KATNB1: variants seen among roughly 807,000 people sequenced by gnomAD.
The protein encoded by KATNB1 is katanin regulatory subunit B1.
A neutral mutation model predicts 82.3 loss-of-function variants in KATNB1; 38 were observed. The observed-to-expected ratio is 0.46, with a 90% confidence interval of 0.36 to 0.61. The LOEUF (loss-of-function observed/expected upper bound fraction) is 0.61. Among genes scored for constraint, KATNB1 ranks in the 20% least tolerant of loss-of-function variants. The probability of loss-of-function intolerance (pLI) is 0.00; values close to 1 mark genes in which losing one functional copy is unlikely to be tolerated. For synonymous variants in KATNB1, 361 were observed against 368.7 expected, an observed-to-expected ratio of 0.98 and a Z score of 0.24; for missense variants, 749 against 915.7, an observed-to-expected ratio of 0.82 and a Z score of 2.35.
At chr16:57,746,737 G>A (rs941680468) in intron 4 of KATNB1, among the ~76,000 whole-genome samples, 4 of 151,974 alleles carry the variant, frequency 2.6e-5, no homozygotes, top group African/African-American at 7.2e-5. Flanking sequence ...CCAGCTCTAC[G>A]GATTTTTCAA....
chr16:57,741,850 A>G (rs782417186), intron 3 of KATNB1, 33 bp downstream of exon 3: 1 of 1,603,416 alleles, frequency 6.2e-7, no homozygotes, highest in Admixed American at 1.7e-5. Context: ...GGGTCAGGAC[A>G]AGGGCCTGGG....
chr16:57,752,923 C>T lies in KATNB1; in HGVS notation c.850C>T (p.Gln284Ter). Residue 284 changes from glutamine (Q) to a stop codon, truncating the protein, a stop_gained, in exon 10 of 20, where the codon CAG becomes TAG. Transcript: ENST00000379661. LOFTEE classifies it high-confidence loss of function. ...GGCCGACCTGGCCATCTGCAATGAC[C>T]AGTTGGTGAGAGAGCCATGGCACCC... Reference protein sequence around the residue: ...KVADLAICNDQLIGVAFSQSN... With the variant: ...KVADLAICND 1 of 1,603,442 alleles carries T rather than the reference C, an allele frequency of 6.2e-7. No individual in the cohort carries two copies. The highest frequency in any genetic ancestry group is 8.5e-7 in the Non-Finnish European group (1 of 1,179,674).
Position 57,754,009 on chromosome 16 carries a change from G to C in KATNB1, c.1228+14G>C, listed in dbSNP as rs782738430. 1.2e-6 allele frequency: 2 copies of C among 1,612,488 alleles called. No homozygotes were observed. Among genetic ancestry groups the C allele is most frequent in the East Asian group, 2.2e-5 (1 of 44,824 alleles). On this transcript the variant is annotated intron_variant, in intron 13 of 19. Coordinates refer to ENST00000379661, the MANE Select transcript of KATNB1 (RefSeq NM_005886.3). The stretch of plus-strand genomic sequence containing the variant: ...CCCCAGAGGACGGTGAGTTGGGTGA[G>C]CCTGGTTTCCCAAGGTCTCTGATGC...
At position 57,742,248 on chromosome 16, in the gene KATNB1, A is replaced by G. The variant is rs1377363277; in HGVS notation, c.171+431A>G. On this transcript the variant is annotated intron_variant, in intron 3 of 19. Coordinates refer to ENST00000379661, the MANE Select transcript of KATNB1 (RefSeq NM_005886.3). Reference sequence around the variant, plus strand: ...ATTCATTCCCAGCCTTCATTCCCCAATGAGGATTTGAGGGGACCTGGCTGG... The same window carrying G: ...ATTCATTCCCAGCCTTCATTCCCCAGTGAGGATTTGAGGGGACCTGGCTGG... Among the ~76,000 whole-genome samples, 6 of 152,324 alleles carry G rather than the reference A, an allele frequency of 3.9e-5. No homozygotes were observed. The South Asian group carries it at 8.3e-4, about 21-fold the overall frequency.
intron 4 of KATNB1, among the ~76,000 whole-genome samples, chr16:57,744,967 A>G (rs543892978): frequency 6.6e-6 from 1 of 152,324 alleles, no homozygotes; most frequent in African/African-American, 2.4e-5. Flanking sequence ...GCAGCCTGGA[A>G]TGGCCAGATC....
At position 57,744,283 on chromosome 16, in the gene KATNB1, C is replaced by A. The variant is rs182903070; in HGVS notation, c.172-111C>A. On this transcript the variant is annotated intron_variant, in intron 3 of 19. Transcript: ENST00000379661. Reference sequence around the variant, plus strand: ...GGCTGTGGCCCCCATGGGGCTCCCCCTCCTGCCTTAGCCATTTCTTGCTGA... The same window carrying A: ...GGCTGTGGCCCCCATGGGGCTCCCCATCCTGCCTTAGCCATTTCTTGCTGA... 5 of 920,768 alleles carry A rather than the reference C, an allele frequency of 5.4e-6. No homozygotes were observed. The South Asian group carries it at 5.8e-5, about 11-fold the overall frequency. The allele number at this position is 920,768 out of a possible 1,614,324, so 57.0% of individuals were successfully genotyped here. A position where few individuals can be genotyped will look rare whatever the true frequency, so the allele number is the denominator to read the frequency against.
rs2049230044 is a variant in KATNB1 at position 57,751,783 on chromosome 16, A to G, written c.516+59A>G. 2.0e-6 allele frequency: 3 copies of G among 1,531,354 alleles called. No individual in the cohort carries two copies. The East Asian group carries it at 6.7e-5, about 34-fold the overall frequency. 94.9% of individuals were successfully genotyped at this position (1,531,354 alleles called of 1,614,324 possible). On this transcript the variant is annotated intron_variant, in intron 7 of 19. Transcript: ENST00000379661. The surrounding 1 kb of genome is among the most constrained non-coding windows in gnomAD (Gnocchi z 6.3). ...GGGGCTGGGGTCTGCTGATCACAGC[A>G]GGCTGAGTCCTCACCTCCCTCCTGA...
chr16:57,756,150 C>T (rs1318634932), intron 18 of KATNB1, 84 bp downstream of exon 18: 2 of 1,475,330 alleles, frequency 1.4e-6, no homozygotes, highest in Non-Finnish European at 1.9e-6. Context: ...GAAGGACCCC[C>T]AAGAGCCTGG....
rs377710930 is a variant in KATNB1 at position 57,750,809 on chromosome 16, T to C, written c.290-18T>C. On this transcript the variant is annotated intron_variant, in intron 4 of 19. Transcript: ENST00000379661. ...TCATTTGCCTCTTAGCCACTGTCTC[T>C]GCTTTCCTTCTTGTTAGTTCTTCGC... 9.3e-6 allele frequency: 15 copies of C among 1,607,602 alleles called. No homozygotes were observed. In the African/African-American group the frequency reaches 1.3e-4, roughly 14 times the overall value.
rs2049168980 is a variant in KATNB1 at position 57,744,574 on chromosome 16, G to A, written c.289+63G>A. ...GCCTTAGTCTTCAGGCTCTGCAGTT[G>A]TACTGCTTCCTCCAGGAAGCCTGCC... On this transcript the variant is annotated intron_variant, in intron 4 of 19. Transcript: ENST00000379661. 2.9e-6 allele frequency: 4 copies of A among 1,397,812 alleles called. No homozygotes were observed. In the East Asian group the frequency reaches 9.1e-5, roughly 32 times the overall value. 86.6% of individuals were successfully genotyped at this position (1,397,812 alleles called of 1,614,324 possible).
chr16:57,755,577 A>G, intron 16 of KATNB1, 83 bp downstream of exon 16: 1 of 1,538,520 alleles, frequency 6.5e-7, no homozygotes. Flanking sequence ...CAGAACAAGA[A>G]GAGGCCACCC....
rs373054102 is a variant in KATNB1, at chr16:57,753,289, G to A, written c.1046+22G>A. ...AGAGGTGAGGGCCTGGGGGGCCTTC[G>A]GGGGCCCAGGAGAGGGACTGTCACA... On this transcript the variant is annotated intron_variant, in intron 11 of 19. Transcript: ENST00000379661. 2.0e-5 allele frequency: 31 copies of A among 1,581,880 alleles called. No individual in the cohort carries two copies. In the African/African-American group the frequency reaches 3.0e-4, roughly 15 times the overall value.
At chr16:57,743,549 T>C (rs2049158621) in intron 3 of KATNB1, among the ~76,000 whole-genome samples, 1 of 152,098 alleles carries the variant, frequency 6.6e-6, no homozygotes, top group Non-Finnish European at 1.5e-5. Context: ...TGACCAAAAA[T>C]AGGACATGCC....
rs371850267 is a variant in KATNB1, at chr16:57,741,746, C to T, written c.100C>T (p.Arg34Trp). Residue 34 changes from arginine to tryptophan, a missense_variant, in exon 3 of 20, where the codon CGG becomes TGG. Coordinates refer to ENST00000379661, the MANE Select transcript of KATNB1 (RefSeq NM_005886.3). The part of the protein sequence containing the change: ...SSLVLGKASG[R>W]LLATGGDDCR... ...ACTGGTGCTGGGCAAAGCCTCCGGG[C>T]GGCTGCTGGCTACAGGCGGGGATGA... The T allele has an allele frequency of 2.7e-5, 44 of 1,614,132 alleles. No individual in the cohort carries two copies. The highest frequency in any genetic ancestry group is 3.5e-5 in the Non-Finnish European group (41 of 1,180,014).
At chr16:57,736,194 G>A in intron 1 of KATNB1, 1 of 152,734 alleles carries the variant, frequency 6.5e-6, no homozygotes, top group Non-Finnish European at 1.5e-5. Context: ...GGCAGTAACG[G>A]GAGTCTGGCG....
At chr16:57,743,703 A>C (rs905590386) in intron 3 of KATNB1, among the ~76,000 whole-genome samples, 11 of 152,196 alleles carry the variant, frequency 7.2e-5, no homozygotes, top group Non-Finnish European at 8.8e-5. Context: ...CAGGCCTCGC[A>C]GTGCCTCCAG....
intron 5 of KATNB1, 52 bp downstream of exon 5, chr16:57,750,979 A>G (rs782280876): frequency 1.4e-6 from 2 of 1,468,960 alleles, no homozygotes; most frequent in Non-Finnish European, 1.9e-6. Flanking sequence ...TGGCAGGACC[A>G]GCCCGGCCCG....
At chr16:57,736,795 G>A in intron 1 of KATNB1, 183 bp from the exon 2 acceptor site, 1 of 346,210 alleles carries the variant, frequency 2.9e-6, no homozygotes, top group East Asian at 7.3e-5. Flanking sequence ...TTTTCCTTAC[G>A]TTCCAAATCA....
Position 57,751,594 on chromosome 16 carries a change from G to A in KATNB1, c.433-47G>A. 2 of 1,563,830 alleles carry A rather than the reference G, an allele frequency of 1.3e-6. No individual in the cohort carries two copies. Among genetic ancestry groups the A allele is most frequent in the South Asian group, 1.1e-5 (1 of 90,172 alleles). ...GGAGTGAGGAGGCAGGGAGAGGTCT[G>A]TTGGGCCCAGGATCCCAGGGTGAGC... is the stretch of plus-strand genomic sequence containing the variant. On this transcript the variant is annotated intron_variant, in intron 6 of 19. Transcript: ENST00000379661. The surrounding 1 kb of genome is among the most constrained non-coding windows in gnomAD (Gnocchi z 6.3).
Sources: gnomAD v4.1 joint callset for allele counts (sites outside exome capture counted in the v4.1 genomes callset) on GRCh38, gnomAD v4.1.1 for gene constraint, Gnocchi (gnomAD v3.1) non-coding constraint, MANE v1.5 for transcripts, NCBI Gene and HGNC (gene_info 2026-07-23, HGNC 2026-07-21) for gene names.